The following SENP7 variants were observed in gnomAD, a reference collection of about 807,000 sequenced individuals.
SENP7 encodes the protein sentrin-specific protease 7.
Under a neutral mutation model 141.2 loss-of-function variants are expected in SENP7, and 64 were observed. The observed-to-expected ratio is 0.45, with a 90% CI of 0.37 to 0.56. The LOEUF (loss-of-function observed/expected upper bound fraction) is 0.56, where lower values mean the gene tolerates loss of function less well. Ranked by LOEUF, SENP7 falls within the 20% of genes least tolerant of loss-of-function variation. The pLI is 0.00. For synonymous variants in SENP7, 382 were observed against 426.4 expected, an observed-to-expected ratio of 0.90 and a Z score of 1.28; for missense variants, 1,025 against 1,212.2, an observed-to-expected ratio of 0.85 and a Z score of 2.29.
intron 19 of SENP7, 78 bp from the exon 20 acceptor site, chr3:101,330,464 T>C: frequency 4.3e-6 from 4 of 934,190 alleles, no homozygotes; most frequent in Non-Finnish European, 6.6e-6. Context: ...CTTAAAATTA[T>C]AATTTTTATG....
intron 5 of SENP7, among the ~76,000 whole-genome samples, chr3:101,410,776 C>T (rs113499897): frequency 0.13 from 19,569 of 151,576 alleles, 1,837 homozygotes; most frequent in African/African-American, 0.27. Context: ...ACCTGGAAGG[C>T]GGAGGTTGCA....
chr3:101,445,190 G>A (rs1178702243), intron 4 of SENP7, among the ~76,000 whole-genome samples: 1 of 152,014 alleles, frequency 6.6e-6, no homozygotes, highest in Non-Finnish European at 1.5e-5. Context: ...TATCTTCAAA[G>A]CGCTGAAATA....
chr3:101,371,223 A>G (rs1197163116), intron 7 of SENP7, among the ~76,000 whole-genome samples: 1 of 152,114 alleles, frequency 6.6e-6, no homozygotes, highest in Non-Finnish European at 1.5e-5. Flanking sequence ...CAGGAGGTAG[A>G]TAGAGGCTGA....
chr3:101,341,496 CATA>C (rs1379368022), intron 15 of SENP7, 147 bp downstream of exon 15: 2 of 628,862 alleles, frequency 3.2e-6, no homozygotes, highest in East Asian at 3.4e-5. Context: ...TTAACTTCCT[CATA>C]ATTTCTTTAA....
chr3:101,371,961 C>T, intron 7 of SENP7, 47 bp downstream of exon 7: 1 of 751,428 alleles, frequency 1.3e-6, no homozygotes, highest in East Asian at 3.0e-5. Context: ...ATTATTAATA[C>T]AATAAGAAAA....
At chr3:101,422,132 C>A (rs1413058121) in intron 4 of SENP7, among the ~76,000 whole-genome samples, 2 of 152,094 alleles carry the variant, frequency 1.3e-5, no homozygotes, top group Non-Finnish European at 2.9e-5. Flanking sequence ...GAGCACGAAC[C>A]CTATTGTGAA....
intron 3 of SENP7, among the ~76,000 whole-genome samples, chr3:101,491,624 G>A (rs1037687709): frequency 2.0e-5 from 3 of 152,124 alleles, no homozygotes; most frequent in Non-Finnish European, 4.4e-5. Context: ...TTCTTTTTAA[G>A]TAAACAGAAG....
chr3:101,485,742 T>C (rs1306070352), intron 3 of SENP7, among the ~76,000 whole-genome samples: 1 of 151,982 alleles, frequency 6.6e-6, no homozygotes, highest in Non-Finnish European at 1.5e-5. Context: ...TCACCAGCAA[T>C]GGATCCAAAC....
At chr3:101,503,533 G>T (rs557694501) in intron 1 of SENP7, among the ~76,000 whole-genome samples, 18 of 152,308 alleles carry the variant, frequency 1.2e-4, no homozygotes, top group African/African-American at 4.3e-4. Context: ...TTACTGCTAC[G>T]CACAATATGG....
chr3:101,402,616 CAA>C (rs58525002), intron 5 of SENP7, among the ~76,000 whole-genome samples: 3 of 93,674 alleles, frequency 3.2e-5, no homozygotes, highest in East Asian at 3.2e-4. Flanking sequence ...GACTCCGTCT[CAA>C]AAAAAAAAAA....
intron 5 of SENP7, among the ~76,000 whole-genome samples, chr3:101,408,073 G>A (rs1246891318): frequency 1.3e-5 from 2 of 151,990 alleles, no homozygotes; most frequent in African/African-American, 2.4e-5. Flanking sequence ...ATCCAAATAA[G>A]CTCAATAAGA....
chr3:101,333,186 T>TA (rs2059099684), intron 17 of SENP7: 1 of 261,036 alleles, frequency 3.8e-6, no homozygotes, highest in Non-Finnish European at 7.1e-6. Context: ...GGGCATGATA[T>TA]AAAATACTGT....
intron 5 of SENP7, among the ~76,000 whole-genome samples, chr3:101,406,853 C>A (rs981978447): frequency 3.3e-5 from 5 of 152,192 alleles, no homozygotes; most frequent in Non-Finnish European, 7.3e-5. Flanking sequence ...GAAAAACTAT[C>A]AGATTAACAG....
rs1576342271 is a variant in SENP7 at position 101,436,221 on chromosome 3, G to C, written c.285-18431C>G. Among the ~76,000 whole-genome samples, 3 of 152,010 alleles carry C rather than the reference G, an allele frequency of 2.0e-5. No individual in the cohort carries two copies. The East Asian group carries it at 5.8e-4, about 29-fold the overall frequency. On this transcript the variant is annotated intron_variant, in intron 4 of 23. Coordinates refer to ENST00000394095, the MANE Select transcript of SENP7 (RefSeq NM_020654.5). ...ATCCTGGGAAAACTGAATATTGATA[G>C]GCAAAACAATAAACTAGACCCCTAT...
At chr3:101,468,684 G>A (rs1161155959) in intron 3 of SENP7, among the ~76,000 whole-genome samples, 1 of 152,174 alleles carries the variant, frequency 6.6e-6, no homozygotes, top group Non-Finnish European at 1.5e-5. Context: ...TACCAGGCCT[G>A]CCTTACAAGA....
At chr3:101,393,994 T>G (rs1349243076) in intron 6 of SENP7, among the ~76,000 whole-genome samples, 2 of 152,234 alleles carry the variant, frequency 1.3e-5, no homozygotes, top group Admixed American at 6.5e-5. Context: ...CTTCTAGCTA[T>G]TTTAAAATAT....
chr3:101,507,941 C>T (rs2065689494), intron 1 of SENP7, among the ~76,000 whole-genome samples: 2 of 148,700 alleles, frequency 1.3e-5, no homozygotes, highest in African/African-American at 5.0e-5. Context: ...CCTAGCTACT[C>T]AGGAGGCTGA....
intron 1 of SENP7, among the ~76,000 whole-genome samples, chr3:101,510,581 G>A (rs113745255): frequency 0.094 from 14,235 of 152,042 alleles, 785 homozygotes; most frequent in African/African-American, 0.15. Flanking sequence ...GGCCGGGCAC[G>A]GTGGCTCACG....
rs370610816 is a variant in SENP7 at position 101,335,513 on chromosome 3, A to ATG, written c.2480+1994_2480+1995dup. ...TTCACACATTCATGTGCATGTGTAC[A>ATG]TGTGTGTGTGTGTGTAGTATCTTAT... On this transcript the variant is annotated intron_variant, in intron 17 of 23. Coordinates refer to ENST00000394095, the MANE Select transcript of SENP7 (RefSeq NM_020654.5). 6.8e-3 allele frequency among the ~76,000 whole-genome samples: 1,022 copies of ATG among 150,506 alleles called. 6 individuals are homozygous for ATG. The highest frequency in any genetic ancestry group is 0.022 in the African/African-American group (889 of 40,414).
Sources: gnomAD v4.1 joint callset for allele counts (sites outside exome capture counted in the v4.1 genomes callset) on GRCh38, gnomAD v4.1.1 for gene constraint, MANE v1.5 for transcripts, NCBI Gene and HGNC (gene_info 2026-07-23, HGNC 2026-07-21) for gene names.